Variants in ERC2 observed in about 807,000 individuals in gnomAD.
The protein encoded by ERC2 is ELKS/RAB6-interacting/CAST family member 2.
ERC2 carries 42 observed loss-of-function variants against 114.8 expected under a neutral mutation model. That is an observed-to-expected ratio of 0.37 (90% CI 0.29 to 0.47). ERC2 has a LOEUF of 0.47. Ranked by LOEUF, ERC2 falls within the 20% of genes least tolerant of loss-of-function variation. The pLI, the probability that ERC2 is intolerant of heterozygous loss-of-function variation, is 0.99. For synonymous variants in ERC2, 454 were observed against 425.5 expected (o/e 1.07, Z -0.82); for missense variants, 939 against 1,150.7 (o/e 0.82, Z 2.66).
At chr3:55,799,458 T>TGC (rs2070855674) in intron 14 of ERC2, among the ~76,000 whole-genome samples, 7 of 138,748 alleles carry the variant, frequency 5.0e-5, no homozygotes, top group African/African-American at 1.5e-4. Context: ...TGCATATATA[T>TGC]ATATATATAT....
At chr3:56,251,058 A>C (rs529564379) in intron 3 of ERC2, among the ~76,000 whole-genome samples, 1 of 152,324 alleles carries the variant, frequency 6.6e-6, no homozygotes, top group East Asian at 1.9e-4. Flanking sequence ...CTGCCATCTA[A>C]ACACGATAAT....
intron 12 of ERC2, among the ~76,000 whole-genome samples, chr3:55,956,604 C>T (rs1002368602): frequency 1.3e-5 from 2 of 152,068 alleles, no homozygotes; most frequent in East Asian, 1.9e-4. Context: ...AGGATCTGGC[C>T]TGCTGTGGCA....
chr3:55,594,450 G>T (rs191370973), intron 17 of ERC2, among the ~76,000 whole-genome samples: 166 of 120,834 alleles, frequency 1.4e-3, no homozygotes, highest in Non-Finnish European at 2.6e-4. Context: ...AATAGAAACT[G>T]GGAGATTATA....
chr3:56,291,730 T>G (rs1229784277), intron 3 of ERC2, among the ~76,000 whole-genome samples: 1 of 151,982 alleles, frequency 6.6e-6, no homozygotes, highest in Non-Finnish European at 1.5e-5. Flanking sequence ...TTTAGATTCA[T>G]CTATATTAAC....
intron 14 of ERC2, among the ~76,000 whole-genome samples, chr3:55,761,875 CAA>C (rs1232333274): frequency 2.2e-4 from 13 of 59,618 alleles, no homozygotes; most frequent in African/African-American, 5.6e-4. Flanking sequence ...GACTCCGTCT[CAA>C]AAAAAAAAAA....
At chr3:55,594,667 A>G (rs1457671377) in intron 17 of ERC2, among the ~76,000 whole-genome samples, 1 of 152,024 alleles carries the variant, frequency 6.6e-6, no homozygotes, top group Non-Finnish European at 1.5e-5. Flanking sequence ...CATTTTTAGT[A>G]GAGATGGGGT....
At chr3:56,056,374 G>A (rs1490644522) in intron 7 of ERC2, among the ~76,000 whole-genome samples, 1 of 152,108 alleles carries the variant, frequency 6.6e-6, no homozygotes, top group Non-Finnish European at 1.5e-5. Flanking sequence ...TGTTTCTCTT[G>A]AGAAACAGGA....
chr3:56,099,678 C>G (rs1560170992), intron 6 of ERC2, among the ~76,000 whole-genome samples: 2 of 152,180 alleles, frequency 1.3e-5, no homozygotes, highest in Admixed American at 6.5e-5. Flanking sequence ...CTGTGTCCAC[C>G]ATAGTTGGTG....
intron 2 of ERC2, among the ~76,000 whole-genome samples, chr3:56,420,989 G>GTA (rs1281273367): frequency 6.6e-6 from 1 of 152,130 alleles, no homozygotes; most frequent in East Asian, 1.9e-4. Context: ...CACTCTGATA[G>GTA]TATATAAAAG....
chr3:55,847,537 A>G (rs969169146), intron 14 of ERC2, among the ~76,000 whole-genome samples: 2 of 152,184 alleles, frequency 1.3e-5, no homozygotes, highest in African/African-American at 4.8e-5. Context: ...ATTAAAAACA[A>G]TGAGGTAAAG....
chr3:56,381,076 CT>C (rs887074985), intron 2 of ERC2, among the ~76,000 whole-genome samples: 3 of 152,122 alleles, frequency 2.0e-5, no homozygotes, highest in African/African-American at 7.2e-5. Flanking sequence ...TAAGGAAGCA[CT>C]TTAGGACTTT....
intron 14 of ERC2, among the ~76,000 whole-genome samples, chr3:55,744,271 G>A (rs1171519569): frequency 6.6e-6 from 1 of 152,166 alleles, no homozygotes; most frequent in African/African-American, 2.4e-5. Flanking sequence ...GGGCGTGGTA[G>A]CGGACACCTG....
At chr3:56,149,382 A>G (rs1018857293) in intron 4 of ERC2, among the ~76,000 whole-genome samples, 3 of 152,204 alleles carry the variant, frequency 2.0e-5, no homozygotes, top group Non-Finnish European at 4.4e-5. Flanking sequence ...TTTATCTAAT[A>G]TCTGGGAATC....
intron 17 of ERC2, among the ~76,000 whole-genome samples, chr3:55,544,048 G>A (rs1419974752): frequency 6.6e-6 from 1 of 152,134 alleles, no homozygotes; most frequent in South Asian, 2.1e-4. Flanking sequence ...ACCATGGCTG[G>A]GGCAGGGCAG....
At chr3:56,408,079 C>T (rs191634399) in intron 2 of ERC2, among the ~76,000 whole-genome samples, 122 of 152,232 alleles carry the variant, frequency 8.0e-4, no homozygotes, top group Non-Finnish European at 1.4e-3. Flanking sequence ...ATTTTTGTGT[C>T]AGTGAAGAAA....
chr3:55,941,927 C>G (rs1225157090), intron 13 of ERC2, among the ~76,000 whole-genome samples: 1 of 152,140 alleles, frequency 6.6e-6, no homozygotes, highest in Non-Finnish European at 1.5e-5. Context: ...ATAGAATATC[C>G]TGTTATAAAA....
At chr3:55,583,342 TCTGC>T (rs560504811) in intron 17 of ERC2, among the ~76,000 whole-genome samples, 1,645 of 149,000 alleles carry the variant, frequency 0.011, 10 homozygotes, top group African/African-American at 0.022. Context: ...TGCCTGCCTG[TCTGC>T]CTGCCTGCCT....
intron 7 of ERC2, among the ~76,000 whole-genome samples, chr3:56,042,526 C>T (rs2075248270): frequency 1.3e-5 from 2 of 152,128 alleles, no homozygotes; most frequent in East Asian, 3.9e-4. Context: ...GAACAACCAA[C>T]CACATCATGA....
intron 2 of ERC2, among the ~76,000 whole-genome samples, chr3:56,352,927 G>T (rs527278031): frequency 6.6e-6 from 1 of 152,204 alleles, no homozygotes; most frequent in South Asian, 2.1e-4. Context: ...GCAAAAAAAA[G>T]AAACTCCTTC....
Sources: allele counts gnomAD v4.1 joint callset (sites outside exome capture counted in the v4.1 genomes callset), GRCh38; gene constraint gnomAD v4.1.1; transcripts MANE v1.5; gene names NCBI Gene and HGNC (gene_info 2026-07-23, HGNC 2026-07-21).